ARHGAP5: variants seen among roughly 807,000 people sequenced by gnomAD.
ARHGAP5 encodes Rho GTPase activating protein 5.
ARHGAP5 carries 23 observed loss-of-function variants against 116.6 expected under a neutral mutation model. The observed-to-expected ratio is 0.20, with a 90% confidence interval of 0.14 to 0.28. ARHGAP5 has a LOEUF of 0.28. Ranked by LOEUF, ARHGAP5 falls within the 10% of genes least tolerant of loss-of-function variation. The pLI, the probability that ARHGAP5 is intolerant of heterozygous loss-of-function variation, is 1.00. For missense variants in ARHGAP5, 1,405 were observed against 1,774.8 expected (o/e 0.79, Z 3.74); for synonymous variants, 574 against 602.0 (o/e 0.95, Z 0.68).
intron 1 of ARHGAP5, among the ~76,000 whole-genome samples, chr14:32,077,880 A>G (rs1170060312): frequency 6.6e-6 from 1 of 152,098 alleles, no homozygotes; most frequent in Non-Finnish European, 1.5e-5. Context: ...GGGCGGGTGC[A>G]GATTCGCGGA....
At position 32,077,438 on chromosome 14, in the gene ARHGAP5, AG is replaced by A; in HGVS notation, c.-169+5del. On this transcript the variant is annotated splice_donor_region_variant and intron_variant, in intron 1 of 6. Coordinates refer to ENST00000345122, the MANE Select transcript of ARHGAP5 (RefSeq NM_001030055.2). ...ACGGAGGAGACCGACGTTGTTAGGTAGGACCTTGCGGACCCCGCTCCTCCAA... is the reference window on the plus strand; with the variant it reads ...ACGGAGGAGACCGACGTTGTTAGGTAGACCTTGCGGACCCCGCTCCTCCAA... 2 of 703,342 alleles carry A rather than the reference AG, an allele frequency of 2.8e-6. No homozygotes were observed. Among genetic ancestry groups the A allele is most frequent in the South Asian group, 1.5e-5 (1 of 67,404 alleles). The allele number at this position is 703,342 out of a possible 1,614,324, so 43.6% of individuals were successfully genotyped here.
At chr14:32,117,403 G>A in intron 3 of ARHGAP5, 116 bp downstream of exon 3, 1 of 939,494 alleles carries the variant, frequency 1.1e-6, no homozygotes, top group Non-Finnish European at 1.5e-6. Context: ...GGATTATTTA[G>A]TATTAACTCC....
At chr14:32,120,416 A>G (rs1174100740) in intron 3 of ARHGAP5, among the ~76,000 whole-genome samples, 3 of 150,654 alleles carry the variant, frequency 2.0e-5, no homozygotes, top group Non-Finnish European at 3.0e-5. Flanking sequence ...ATTGAATTCT[A>G]CTTGTTTCTT....
intron 1 of ARHGAP5, among the ~76,000 whole-genome samples, 183 bp downstream of exon 1, chr14:32,077,618 C>G (rs2041721257): frequency 6.6e-6 from 1 of 152,138 alleles, no homozygotes; most frequent in Non-Finnish European, 1.5e-5. Flanking sequence ...GGGCGGGCAG[C>G]AGCTGCAGCG....
At chr14:32,135,328 G>A (rs951307085) in intron 3 of ARHGAP5, among the ~76,000 whole-genome samples, 7 of 152,186 alleles carry the variant, frequency 4.6e-5, no homozygotes, top group African/African-American at 1.7e-4. Flanking sequence ...CATCTATTGG[G>A]CCAGAACCAG....
rs538098108 is a variant in ARHGAP5, at chr14:32,110,978, C to G, written c.3718-6162C>G. On this transcript the variant is annotated intron_variant, in intron 2 of 6. Transcript: ENST00000345122. ...GAAAGCATGAGAGGTTTTTCTTAGA[C>G]TTTAAACTGATGTTGTTAGGGTGTT... is the stretch of plus-strand genomic sequence containing the variant. Among the ~76,000 whole-genome samples, 7 of 152,282 alleles carry G rather than the reference C, an allele frequency of 4.6e-5. No individual in the cohort carries two copies. In the South Asian group the frequency reaches 1.0e-3, roughly 23 times the overall value.
intron 2 of ARHGAP5, among the ~76,000 whole-genome samples, chr14:32,099,661 T>G (rs981532930): frequency 3.9e-5 from 6 of 152,206 alleles, no homozygotes; most frequent in African/African-American, 1.4e-4. Context: ...ATACTCAGTC[T>G]GTATCTCAGA....
intron 1 of ARHGAP5, among the ~76,000 whole-genome samples, chr14:32,088,442 T>C (rs962127999): frequency 2.6e-5 from 4 of 151,984 alleles, no homozygotes; most frequent in African/African-American, 9.7e-5. Flanking sequence ...TATGGAATCA[T>C]TGTGCTGTTT....
chr14:32,131,229 G>A (rs114807496), intron 3 of ARHGAP5, among the ~76,000 whole-genome samples: 1,746 of 141,884 alleles, frequency 0.012, 31 homozygotes, highest in African/African-American at 0.041. Flanking sequence ...CAAGAATCAT[G>A]TATTACTTTT....
chr14:32,128,115 C>A (rs183521277), intron 3 of ARHGAP5, among the ~76,000 whole-genome samples: 10 of 151,404 alleles, frequency 6.6e-5, no homozygotes, highest in Admixed American at 3.3e-4. Flanking sequence ...TCCCCACATC[C>A]CAGATGATGG....
chr14:32,112,114 G>A (rs1311420275), intron 2 of ARHGAP5, among the ~76,000 whole-genome samples: 3 of 151,998 alleles, frequency 2.0e-5, no homozygotes, highest in Non-Finnish European at 2.9e-5. Flanking sequence ...ACCACGCCTG[G>A]CCTCTTTGAT....
chr14:32,111,704 T>G (rs1879309246), intron 2 of ARHGAP5, among the ~76,000 whole-genome samples: 1 of 152,138 alleles, frequency 6.6e-6, no homozygotes, highest in Non-Finnish European at 1.5e-5. Context: ...TCTCTGATGG[T>G]CTTTTCCATT....
At chr14:32,145,342 A>C (rs758685608) in intron 3 of ARHGAP5, among the ~76,000 whole-genome samples, 2 of 152,236 alleles carry the variant, frequency 1.3e-5, no homozygotes, top group Non-Finnish European at 2.9e-5. Flanking sequence ...GACAAGAGTG[A>C]GGAGGGACTC....
At chr14:32,141,648 G>C (rs1217657239) in intron 3 of ARHGAP5, among the ~76,000 whole-genome samples, 2 of 152,048 alleles carry the variant, frequency 1.3e-5, no homozygotes, top group Non-Finnish European at 2.9e-5. Flanking sequence ...TTTCAGCTTA[G>C]AGAACTTCCT....
At chr14:32,077,714 C>G (rs927623541) in intron 1 of ARHGAP5, among the ~76,000 whole-genome samples, 4 of 152,030 alleles carry the variant, frequency 2.6e-5, no homozygotes, top group Non-Finnish European at 5.9e-5. Flanking sequence ...TCGGCGGAGG[C>G]CTGATGCTGG....
intron 3 of ARHGAP5, among the ~76,000 whole-genome samples, chr14:32,140,115 C>CTTTTTTTTTTTTTTTTTTTTTTTTTTTT (rs376976211): frequency 1.6e-4 from 4 of 25,436 alleles, no homozygotes; most frequent in African/African-American, 1.6e-4. Flanking sequence ...TTTTTTTTTC[C>CTTTTTTTTTTTTTTTTTTTTTTTTTTTT]TTTTTTTTTT....
intron 3 of ARHGAP5, 97 bp from the exon 4 acceptor site, chr14:32,146,166 C>A: frequency 2.3e-6 from 2 of 863,080 alleles, no homozygotes; most frequent in South Asian, 1.7e-5. Flanking sequence ...CCACCTTGGC[C>A]TCCCAGAGTG....
intron 6 of ARHGAP5, chr14:32,153,939 G>A (rs1463925738): frequency 2.0e-5 from 3 of 151,646 alleles, no homozygotes; most frequent in African/African-American, 4.9e-5. Flanking sequence ...GAAAAAAAAA[G>A]AGAGGAACAG....
At chr14:32,088,642 T>C (rs2041854181) in intron 1 of ARHGAP5, among the ~76,000 whole-genome samples, 1 of 152,032 alleles carries the variant, frequency 6.6e-6, no homozygotes, top group Non-Finnish European at 1.5e-5. Context: ...GTAAACATTT[T>C]ACTTAATAAA....
Sources: allele counts gnomAD v4.1 joint callset (sites outside exome capture counted in the v4.1 genomes callset), GRCh38; gene constraint gnomAD v4.1.1; transcripts MANE v1.5; gene names NCBI Gene and HGNC (gene_info 2026-07-23, HGNC 2026-07-21).